The following CDH12 variants were observed in gnomAD, a reference collection of about 807,000 sequenced individuals.
CDH12 encodes cadherin-12.
CDH12 carries 41 observed loss-of-function variants against 74.1 expected under a neutral mutation model. The ratio of observed to expected loss-of-function variants is 0.55; its 90% CI spans 0.43 to 0.72. The LOEUF (loss-of-function observed/expected upper bound fraction) is 0.72, where lower values mean the gene tolerates loss of function less well. Ranked by LOEUF, CDH12 falls within the 30% of genes least tolerant of loss-of-function variation. The pLI, the probability that CDH12 is intolerant of heterozygous loss-of-function variation, is 0.00. For synonymous variants in CDH12, 399 were observed against 355.0 expected (o/e 1.12, Z -1.39); for missense variants, 945 against 977.2 (o/e 0.97, Z 0.44).
intron 1 of CDH12, among the ~76,000 whole-genome samples, chr5:22,549,617 C>G (rs1738477444): frequency 6.6e-6 from 1 of 152,132 alleles, no homozygotes; most frequent in Non-Finnish European, 1.5e-5. Context: ...ACCATAGTTA[C>G]AGTTCATCTA....
chr5:22,316,459 T>G (rs1269315157), intron 3 of CDH12, among the ~76,000 whole-genome samples: 4 of 152,168 alleles, frequency 2.6e-5, no homozygotes, highest in African/African-American at 9.6e-5. Flanking sequence ...TATTATTTTA[T>G]TTTGTTCCCT....
intron 1 of CDH12, among the ~76,000 whole-genome samples, chr5:22,670,379 TA>T (rs1473181565): frequency 2.0e-5 from 3 of 152,192 alleles, no homozygotes. Context: ...AAAAGTATCA[TA>T]TTTTTAAATA....
chr5:22,091,013 C>A (rs964174432), intron 4 of CDH12, among the ~76,000 whole-genome samples: 1 of 151,712 alleles, frequency 6.6e-6, no homozygotes, highest in African/African-American at 2.4e-5. Context: ...TCTCCAAGAA[C>A]ACAAACAAGA....
At position 21,755,950 on chromosome 5, in the gene CDH12, G is replaced by T. The variant is rs946218670; in HGVS notation, c.1634-108C>A. The T allele has an allele frequency of 1.8e-5, 19 of 1,027,894 alleles. No individual in the cohort carries two copies. In the South Asian group the frequency reaches 3.1e-4, roughly 17 times the overall value. 63.7% of individuals were successfully genotyped at this position (1,027,894 alleles called of 1,614,324 possible). On this transcript the variant is annotated intron_variant, in intron 13 of 14. Coordinates refer to ENST00000382254, the MANE Select transcript of CDH12 (RefSeq NM_004061.5). ...AAGCTCTTCTTGAATCAGGAAAATGGATTCTTATTTTTTTTATTTCTGTTC... is the reference window on the plus strand; with the variant it reads ...AAGCTCTTCTTGAATCAGGAAAATGTATTCTTATTTTTTTTATTTCTGTTC...
intron 1 of CDH12, among the ~76,000 whole-genome samples, chr5:22,581,006 C>A (rs971679330): frequency 6.6e-6 from 1 of 151,968 alleles, no homozygotes; most frequent in Non-Finnish European, 1.5e-5. Context: ...ATCAAAGGAC[C>A]AGACTTTATA....
chr5:22,687,311 A>T (rs1283604911), intron 1 of CDH12, among the ~76,000 whole-genome samples: 1 of 152,160 alleles, frequency 6.6e-6, no homozygotes, highest in African/African-American at 2.4e-5. Flanking sequence ...AGAAAGAAAT[A>T]AAAAAATGAA....
At chr5:22,062,657 C>G (rs536099047) in intron 5 of CDH12, among the ~76,000 whole-genome samples, 1 of 152,270 alleles carries the variant, frequency 6.6e-6, no homozygotes, top group East Asian at 1.9e-4. Context: ...CTTGAATACA[C>G]TGCAAAGGTT....
chr5:22,274,896 C>T (rs1321300829), intron 3 of CDH12, among the ~76,000 whole-genome samples: 3 of 152,020 alleles, frequency 2.0e-5, no homozygotes, highest in Non-Finnish European at 2.9e-5. Flanking sequence ...AGTTAAATTT[C>T]GGGTGTCTTT....
intron 1 of CDH12, among the ~76,000 whole-genome samples, chr5:22,612,848 C>A (rs1162251990): frequency 6.6e-6 from 1 of 152,040 alleles, no homozygotes; most frequent in Non-Finnish European, 1.5e-5. Context: ...ACTCCTCAAC[C>A]CTAACATAGT....
At chr5:21,999,668 A>G (rs900672688) in intron 5 of CDH12, among the ~76,000 whole-genome samples, 18 of 151,772 alleles carry the variant, frequency 1.2e-4, no homozygotes, top group Admixed American at 8.6e-4. Context: ...CGCATCTGCA[A>G]TGGGATTTTC....
At chr5:21,770,176 T>C (rs1745243722) in intron 11 of CDH12, among the ~76,000 whole-genome samples, 1 of 152,200 alleles carries the variant, frequency 6.6e-6, no homozygotes, top group African/African-American at 2.4e-5. Flanking sequence ...TTGTACCTCG[T>C]AGATGTGTTT....
rs559237623 is a variant in CDH12, at chr5:22,851,010, A to C, written c.-523+2048T>G. ...TAGGCTCTGCCAAAATATCAGGTTC[A>C]AAAGATGCTCAATTTAAGGAGATCA... On this transcript the variant is annotated intron_variant, in intron 1 of 14. Transcript: ENST00000382254. 5.9e-5 allele frequency among the ~76,000 whole-genome samples: 9 copies of C among 152,282 alleles called. No individual in the cohort carries two copies. In the South Asian group the frequency reaches 1.7e-3, roughly 28 times the overall value.
intron 5 of CDH12, among the ~76,000 whole-genome samples, chr5:22,031,286 A>G (rs960676632): frequency 2.0e-5 from 3 of 151,934 alleles, no homozygotes; most frequent in African/African-American, 7.3e-5. Context: ...GTGAGCCAAG[A>G]TCCTGCCACT....
At chr5:21,978,723 C>A (rs1757174413) in intron 5 of CDH12, among the ~76,000 whole-genome samples, 1 of 152,104 alleles carries the variant, frequency 6.6e-6, no homozygotes. Context: ...TGTATTCCTT[C>A]ATAAACTGTG....
intron 1 of CDH12, among the ~76,000 whole-genome samples, chr5:22,559,297 T>A (rs1738940043): frequency 6.6e-6 from 1 of 152,066 alleles, no homozygotes. Context: ...TTATTAACAC[T>A]GAATCCCTGT....
intron 4 of CDH12, among the ~76,000 whole-genome samples, chr5:22,192,757 G>C (rs1195396036): frequency 6.6e-6 from 1 of 152,180 alleles, no homozygotes; most frequent in Non-Finnish European, 1.5e-5. Flanking sequence ...AGATAACAGA[G>C]AGCCATGGAG....
At chr5:21,874,631 C>G (rs1199456632) in intron 6 of CDH12, among the ~76,000 whole-genome samples, 1 of 152,170 alleles carries the variant, frequency 6.6e-6, no homozygotes, top group Non-Finnish European at 1.5e-5. Context: ...TTAAATCTTG[C>G]AACTGCACAT....
intron 2 of CDH12, among the ~76,000 whole-genome samples, chr5:22,465,254 T>G (rs1406873738): frequency 1.3e-5 from 2 of 152,212 alleles, no homozygotes; most frequent in Non-Finnish European, 1.5e-5. Flanking sequence ...CACATATCTA[T>G]GCTGTCTCCC....
At chr5:21,923,643 A>G (rs1221250124) in intron 6 of CDH12, among the ~76,000 whole-genome samples, 1 of 152,206 alleles carries the variant, frequency 6.6e-6, no homozygotes, top group African/African-American at 2.4e-5. Context: ...GAGAAAATAC[A>G]GCAGTCTTTC....
Sources: allele counts gnomAD v4.1 joint callset (sites outside exome capture counted in the v4.1 genomes callset), GRCh38; gene constraint gnomAD v4.1.1; transcripts MANE v1.5; gene names NCBI Gene and HGNC (gene_info 2026-07-23, HGNC 2026-07-21).